The following SLC18A2 variants were observed in gnomAD, a reference collection of about 807,000 sequenced individuals.
SLC18A2 encodes synaptic vesicular amine transporter.
A neutral mutation model predicts 59.2 loss-of-function variants in SLC18A2; 33 were observed. The observed-to-expected ratio is 0.56, with a 90% CI of 0.42 to 0.75. The LOEUF (loss-of-function observed/expected upper bound fraction) is 0.75. SLC18A2 is among the 30% of genes least tolerant of loss of function. SLC18A2 has a pLI of 0.00. For missense variants in SLC18A2, 569 were observed against 668.6 expected, an observed-to-expected ratio of 0.85 and a Z score of 1.64; for synonymous variants, 228 against 253.5, an observed-to-expected ratio of 0.90 and a Z score of 0.95.
At position 117,277,283 on chromosome 10, in the gene SLC18A2, A is replaced by G. The variant is rs1386712874; in HGVS notation, c.*17A>G. On this transcript the variant is annotated 3_prime_UTR_variant, in exon 16 of 16. Coordinates refer to ENST00000644641, the MANE Select transcript of SLC18A2 (RefSeq NM_003054.6). ...AGTGACTGAGATGAGATCCTCAAAA[A>G]TCATCAAAGTGTTTAATTGTATAAA... 1 of 1,453,474 alleles carries G rather than the reference A, an allele frequency of 6.9e-7. No homozygotes were observed. The highest frequency in any genetic ancestry group is 1.1e-5 in the South Asian group (1 of 87,112). The allele number at this position is 1,453,474 out of a possible 1,614,324, so 90.0% of individuals were successfully genotyped here.
chr10:117,262,407 C>T (rs189503121), intron 10 of SLC18A2, among the ~76,000 whole-genome samples: 7 of 152,328 alleles, frequency 4.6e-5, no homozygotes, highest in Admixed American at 2.0e-4. Context: ...CCTAAAGAGG[C>T]GTGCCGCTTG....
rs1844390233 is a variant in SLC18A2, at chr10:117,269,118, TACAC to T, written c.1187-951_1187-948del. Reference sequence around the variant, plus strand: ...ATATGCATACATACATACACGTAGATACACATACACATACAAACACCCACCCACA... The same window carrying T: ...ATATGCATACATACATACACGTAGATATACACATACAAACACCCACCCACA... On this transcript the variant is annotated intron_variant, in intron 13 of 15. Coordinates refer to ENST00000644641, the MANE Select transcript of SLC18A2 (RefSeq NM_003054.6). This position sits in a 1 kb window ranked among gnomAD's most constrained non-coding sequence, Gnocchi z 5.1. 6.7e-6 allele frequency among the ~76,000 whole-genome samples: 1 copy of T among 149,458 alleles called. No individual in the cohort carries two copies. The highest frequency in any genetic ancestry group is 2.1e-4 in the South Asian group (1 of 4,728).
At chr10:117,258,551 T>G (rs1350496935) in intron 10 of SLC18A2, among the ~76,000 whole-genome samples, 1 of 135,026 alleles carries the variant, frequency 7.4e-6, no homozygotes, top group Non-Finnish European at 1.6e-5. Flanking sequence ...GTAGATTTAC[T>G]TTTTAAAACT....
intron 3 of SLC18A2, among the ~76,000 whole-genome samples, chr10:117,247,154 G>A (rs1336005297): frequency 6.6e-6 from 1 of 152,224 alleles, no homozygotes; most frequent in African/African-American, 2.4e-5. Flanking sequence ...TAACTTGTGA[G>A]CCATTGCAAA....
Position 117,269,984 on chromosome 10 carries a change from G to C in SLC18A2, c.1187-87G>C. 1 of 1,502,502 alleles carries C rather than the reference G, an allele frequency of 6.7e-7. No homozygotes were observed. The highest frequency in any genetic ancestry group is 1.9e-4 in the Middle Eastern group (1 of 5,184). 93.1% of individuals were successfully genotyped at this position (1,502,502 alleles called of 1,614,324 possible). A position where few individuals can be genotyped will look rare whatever the true frequency, so the allele number is the denominator to read the frequency against. ...ACAGAAGGGGAAGAGCTGGCAGGGTGGTGAGTTTAAGACACACTCCCTGAT... is the reference window on the plus strand; with the variant it reads ...ACAGAAGGGGAAGAGCTGGCAGGGTCGTGAGTTTAAGACACACTCCCTGAT... On this transcript the variant is annotated intron_variant, in intron 13 of 15. Coordinates refer to ENST00000644641, the MANE Select transcript of SLC18A2 (RefSeq NM_003054.6). The surrounding 1 kb of genome is among the most constrained non-coding windows in gnomAD (Gnocchi z 5.1).
At chr10:117,242,455 G>A (rs1354258407) in intron 2 of SLC18A2, among the ~76,000 whole-genome samples, 1 of 151,646 alleles carries the variant, frequency 6.6e-6, no homozygotes, top group Non-Finnish European at 1.5e-5. Context: ...AAAAATCCCA[G>A]TTTTTAATGA....
intron 10 of SLC18A2, among the ~76,000 whole-genome samples, chr10:117,259,700 G>C (rs982651084): frequency 6.6e-6 from 1 of 152,226 alleles, no homozygotes; most frequent in East Asian, 1.9e-4. Flanking sequence ...GGGTTGCTGT[G>C]GGGGAGGCCA....
At chr10:117,255,568 G>C (rs960734096) in intron 8 of SLC18A2, 29 bp from the exon 9 acceptor site, 1 of 1,614,122 alleles carries the variant, frequency 6.2e-7, no homozygotes, top group Non-Finnish European at 8.5e-7. Flanking sequence ...GCATGGTGCT[G>C]CTTCTGACCC....
In SLC18A2 at chr10:117,244,096, G is replaced by C; in HGVS notation, c.247G>C (p.Asp83His). The C allele has an allele frequency of 6.8e-6, 11 of 1,614,180 alleles. No homozygotes were observed. Among genetic ancestry groups the C allele is most frequent in the Non-Finnish European group, 9.3e-6 (11 of 1,180,048 alleles). ...DSFQSIFSYY[D>H]NSTMVTGNAT... ...CTTCCAGAGCATCTTCTCCTATTAT[G>C]ATAACTCGACTATGGTCACCGGGAA... Residue 83 changes from aspartate to histidine, a missense_variant, in exon 3 of 16, where the codon GAT (aspartate) becomes CAT (histidine). Coordinates refer to ENST00000644641, the MANE Select transcript of SLC18A2 (RefSeq NM_003054.6).
intron 5 of SLC18A2, 36 bp downstream of exon 5, chr10:117,254,167 C>A (rs1485817615): frequency 6.3e-7 from 1 of 1,595,882 alleles, no homozygotes; most frequent in South Asian, 1.1e-5. Context: ...TCGTGAGGGG[C>A]CCCTTGCAGA....
intron 3 of SLC18A2, among the ~76,000 whole-genome samples, chr10:117,252,666 G>A (rs559653835): frequency 6.6e-6 from 1 of 152,326 alleles, no homozygotes; most frequent in South Asian, 2.1e-4. Flanking sequence ...AGGCACTGGT[G>A]TTAACAGTTT....
In SLC18A2 at chr10:117,269,417, C is replaced by T. The variant is rs1170047247; in HGVS notation, c.1187-654C>T. ...ATACATACATACTCATAAATACACA[C>T]ATATACATACAGACATACACCCCAG... On this transcript the variant is annotated intron_variant, in intron 13 of 15. Transcript: ENST00000644641. This position sits in a 1 kb window ranked among gnomAD's most constrained non-coding sequence, Gnocchi z 5.1. Among the ~76,000 whole-genome samples the T allele has an allele frequency of 6.6e-6, 1 of 152,126 alleles. No individual in the cohort carries two copies. Among genetic ancestry groups the T allele is most frequent in the Non-Finnish European group, 1.5e-5 (1 of 68,024 alleles).
At chr10:117,245,325 G>C (rs1299060803) in intron 3 of SLC18A2, among the ~76,000 whole-genome samples, 1 of 152,192 alleles carries the variant, frequency 6.6e-6, no homozygotes, top group Non-Finnish European at 1.5e-5. Flanking sequence ...AGATGGAAGA[G>C]ATGGTGGCGA....
At chr10:117,275,624 A>G (rs1844479571) in intron 15 of SLC18A2, among the ~76,000 whole-genome samples, 1 of 152,146 alleles carries the variant, frequency 6.6e-6, no homozygotes, top group Admixed American at 6.5e-5. Flanking sequence ...CCCCTCGGTC[A>G]AATTCTTTAA....
chr10:117,246,803 C>T (rs1241353126), intron 3 of SLC18A2, among the ~76,000 whole-genome samples: 1 of 152,108 alleles, frequency 6.6e-6, no homozygotes, highest in Non-Finnish European at 1.5e-5. Flanking sequence ...CAGGCGTGCA[C>T]CACTATGCCT....
chr10:117,253,388 G>C lies in SLC18A2; in HGVS notation c.465-11G>C. 3.1e-6 allele frequency: 5 copies of C among 1,609,734 alleles called. No individual in the cohort carries two copies. The highest frequency in any genetic ancestry group is 4.3e-6 in the Non-Finnish European group (5 of 1,176,000). On this transcript the variant is annotated splice_polypyrimidine_tract_variant and intron_variant, in intron 3 of 15. Transcript: ENST00000644641. ...CAGTCACCAGATTTGTCTGATGTTT[G>C]TGTTTTGCAGAATTGGCTATCCAAT...
chr10:117,275,750 T>G (rs983647351), intron 15 of SLC18A2, among the ~76,000 whole-genome samples: 2 of 152,232 alleles, frequency 1.3e-5, no homozygotes, highest in African/African-American at 4.8e-5. Flanking sequence ...AAGCAAATAC[T>G]ATTGGACAAT....
chr10:117,246,055 G>A (rs771836118), intron 3 of SLC18A2, among the ~76,000 whole-genome samples: 28 of 152,172 alleles, frequency 1.8e-4, no homozygotes, highest in Admixed American at 1.8e-3. Context: ...AAACCAAACC[G>A]ACCTCAGTAG....
chr10:117,247,952 C>T (rs1051972143), intron 3 of SLC18A2, among the ~76,000 whole-genome samples: 3 of 152,132 alleles, frequency 2.0e-5, no homozygotes, highest in African/African-American at 7.2e-5. Context: ...GTAGGAGTCA[C>T]AAAATGTAGG....
Sources: allele counts gnomAD v4.1 joint callset (sites outside exome capture counted in the v4.1 genomes callset), GRCh38; gene constraint gnomAD v4.1.1; non-coding constraint Gnocchi (gnomAD v3.1); transcripts MANE v1.5; gene names NCBI Gene and HGNC (gene_info 2026-07-23, HGNC 2026-07-21).